Variants in HTT observed in about 807,000 individuals in gnomAD.
The protein encoded by HTT is huntingtin.
A neutral mutation model predicts 362.3 loss-of-function variants in HTT; 104 were observed. The ratio of observed to expected loss-of-function variants is 0.29; its 90% CI spans 0.24 to 0.34. HTT has a LOEUF of 0.34. Among genes scored for constraint, HTT ranks in the 10% least tolerant of loss-of-function variants. The pLI, the probability that HTT is intolerant of heterozygous loss-of-function variation, is 1.00. For synonymous variants in HTT, 1,577 were observed against 1,548.7 expected (o/e 1.02, Z -0.43); for missense variants, 3,301 against 3,928.6 (o/e 0.84, Z 4.27).
Position 3,209,242 on chromosome 4 carries a change from C to T in HTT, c.6291+331C>T, listed in dbSNP as rs532328826. ...GCCTCCCTCCATCTCCTCATACCTT[C>T]TGGCCACCTGTGAGTTGCACTGCCA... On this transcript the variant is annotated intron_variant, in intron 46 of 66. Coordinates refer to ENST00000355072, the MANE Select transcript of HTT (RefSeq NM_001388492.1). 2.0e-5 allele frequency among the ~76,000 whole-genome samples: 3 copies of T among 152,352 alleles called. No homozygotes were observed. In the East Asian group the frequency reaches 5.8e-4, roughly 29 times the overall value.
intron 22 of HTT, among the ~76,000 whole-genome samples, chr4:3,141,619 A>G (rs1716349949): frequency 6.6e-6 from 1 of 152,136 alleles, no homozygotes; most frequent in Admixed American, 6.5e-5. Context: ...AAAATTAGCC[A>G]GGCGTGGTGG....
chr4:3,110,335 A>G lies in HTT; in HGVS notation c.747+2912A>G, dbSNP rs534069492. 5.9e-5 allele frequency among the ~76,000 whole-genome samples: 9 copies of G among 152,210 alleles called. 1 individual carries two copies. The East Asian group carries it at 1.7e-3, about 29-fold the overall frequency. On this transcript the variant is annotated intron_variant, in intron 6 of 66. Coordinates refer to ENST00000355072, the MANE Select transcript of HTT (RefSeq NM_001388492.1). ...TAATATGTGTTTAGTACAATTTTTC[A>G]TGACAGGTAGTTTACTGAATCAGTT... is the stretch of plus-strand genomic sequence containing the variant.
At chr4:3,159,693 C>T (rs1717343874) in intron 28 of HTT, among the ~76,000 whole-genome samples, 2 of 152,222 alleles carry the variant, frequency 1.3e-5, no homozygotes, top group African/African-American at 4.8e-5. Context: ...CAGTGTTTTA[C>T]CAATATTTAT....
At chr4:3,212,918 G>A (rs1012734275) in intron 49 of HTT, 8 of 564,582 alleles carry the variant, frequency 1.4e-5, no homozygotes, top group Non-Finnish European at 2.5e-5. Context: ...GGCCTGTGAG[G>A]TCAGCCAGGT....
intron 60 of HTT, among the ~76,000 whole-genome samples, chr4:3,231,627 C>T (rs1485348076): frequency 6.6e-6 from 1 of 151,744 alleles, no homozygotes; most frequent in East Asian, 1.9e-4. Flanking sequence ...AGCCTGGTGC[C>T]ATGCTGGTGA....
chr4:3,102,799 G>T (rs538859420), intron 3 of HTT, among the ~76,000 whole-genome samples: 1 of 152,246 alleles, frequency 6.6e-6, no homozygotes, highest in Non-Finnish European at 1.5e-5. Context: ...AGCTTGAGAA[G>T]CCCTTCTCTA....
At chr4:3,184,532 C>T (rs990157852) in intron 37 of HTT, among the ~76,000 whole-genome samples, 1 of 152,088 alleles carries the variant, frequency 6.6e-6, no homozygotes, top group African/African-American at 2.4e-5. Flanking sequence ...CCCTTGGCAG[C>T]ATGAAAGCAA....
intron 25 of HTT, among the ~76,000 whole-genome samples, chr4:3,147,289 A>G (rs363102): frequency 0.23 from 35,152 of 152,118 alleles, 4,592 homozygotes; most frequent in African/African-American, 0.34. Context: ...TTCTCAAGTT[A>G]GTTTTAGATT....
rs575854741 is a variant in HTT at position 3,192,584 on chromosome 4, G to A, written c.5368+3491G>A. 9.1e-4 allele frequency among the ~76,000 whole-genome samples: 139 copies of A among 152,312 alleles called. 2 individuals are homozygous for A. Among genetic ancestry groups the A allele is most frequent in the Admixed American group, 2.8e-3 (43 of 15,304 alleles). On this transcript the variant is annotated intron_variant, in intron 40 of 66. Transcript: ENST00000355072. ...TGGACAGCATTCCATTGATGAGGAG[G>A]TGGGGCTGGTCTCCGGGAGTAAGGG...
intron 2 of HTT, among the ~76,000 whole-genome samples, chr4:3,093,831 C>T (rs1040968203): frequency 6.9e-6 from 1 of 144,752 alleles, no homozygotes; most frequent in Non-Finnish European, 1.5e-5. Context: ...TTAGAGCCTA[C>T]TCCAGAGGGA....
rs112742495 is a variant in HTT at position 3,185,787 on chromosome 4, C to T, written c.4867-810C>T. Reference sequence around the variant, plus strand: ...AAGTAGCTGGGTGTGGTGGTGTGCGCCTGTAGTCCTGGCTAACTCAGGAGG... The same window carrying T: ...AAGTAGCTGGGTGTGGTGGTGTGCGTCTGTAGTCCTGGCTAACTCAGGAGG... On this transcript the variant is annotated intron_variant, in intron 37 of 66. Coordinates refer to ENST00000355072, the MANE Select transcript of HTT (RefSeq NM_001388492.1). Among the ~76,000 whole-genome samples the T allele has an allele frequency of 7.8e-4, 119 of 152,206 alleles. 2 individuals are homozygous for T. The highest frequency in any genetic ancestry group is 2.7e-3 in the African/African-American group (114 of 41,530).
intron 41 of HTT, among the ~76,000 whole-genome samples, chr4:3,203,587 A>T (rs1719692779): frequency 6.6e-6 from 1 of 152,244 alleles, no homozygotes; most frequent in African/African-American, 2.4e-5. Context: ...GTGATGTTTC[A>T]TTGGGAAACG....
rs2110309993 is a variant in HTT at position 3,240,911 on chromosome 4, G to T, written c.*852G>T. The T allele has an allele frequency of 6.6e-6, 1 of 152,472 alleles. No individual in the cohort carries two copies. The highest frequency in any genetic ancestry group is 2.4e-5 in the African/African-American group (1 of 41,560). 9.4% of individuals were successfully genotyped at this position (152,472 alleles called of 1,614,324 possible). On this transcript the variant is annotated 3_prime_UTR_variant, in exon 67 of 67. Coordinates refer to ENST00000355072, the MANE Select transcript of HTT (RefSeq NM_001388492.1). ...GAGGACAGGCCCCCATTATCCTAGG[G>T]GTGCGCTCACCTGCAGCCCCTCCTC...
chr4:3,185,201 GT>G lies in HTT; in HGVS notation c.4867-1393del, dbSNP rs542182356. On this transcript the variant is annotated intron_variant, in intron 37 of 66. Transcript: ENST00000355072. The stretch of plus-strand genomic sequence containing the variant: ...GTTAAGTTGGCAGAAATGAAGGCCT[GT>G]TTACGCACTGAGGGCAGAAGCAACA... 2.8e-3 allele frequency among the ~76,000 whole-genome samples: 427 copies of G among 152,316 alleles called. 4 individuals carry two copies. Among genetic ancestry groups the G allele is most frequent in the African/African-American group, 9.4e-3 (389 of 41,556 alleles).
At chr4:3,175,538 C>T (rs1009652452) in intron 33 of HTT, among the ~76,000 whole-genome samples, 2 of 152,156 alleles carry the variant, frequency 1.3e-5, no homozygotes, top group African/African-American at 2.4e-5. Flanking sequence ...GTTCACTTAC[C>T]TCTTTAAAAA....
intron 61 of HTT, among the ~76,000 whole-genome samples, chr4:3,234,710 C>T (rs1358380789): frequency 1.3e-5 from 2 of 152,144 alleles, no homozygotes; most frequent in Admixed American, 6.5e-5. Context: ...CACGTGCCTC[C>T]GAGGTGGAGG....
intron 41 of HTT, among the ~76,000 whole-genome samples, chr4:3,202,256 G>T (rs924114503): frequency 6.6e-6 from 1 of 152,116 alleles, no homozygotes; most frequent in African/African-American, 2.4e-5. Flanking sequence ...CACCAGTACC[G>T]GGCGGTGTAT....
At chr4:3,166,582 G>A (rs779626620) in intron 29 of HTT, among the ~76,000 whole-genome samples, 1 of 152,222 alleles carries the variant, frequency 6.6e-6, no homozygotes, top group Non-Finnish European at 1.5e-5. Flanking sequence ...TGCCCAGTTC[G>A]AGCTTCCCTG....
At chr4:3,172,652 A>G (rs1718047868) in intron 30 of HTT, among the ~76,000 whole-genome samples, 1 of 152,196 alleles carries the variant, frequency 6.6e-6, no homozygotes, top group African/African-American at 2.4e-5. Context: ...GTTAACTTCC[A>G]GTCCCTCGGA....
Sources: gnomAD v4.1 joint callset for allele counts (sites outside exome capture counted in the v4.1 genomes callset) on GRCh38, gnomAD v4.1.1 for gene constraint, MANE v1.5 for transcripts, NCBI Gene and HGNC (gene_info 2026-07-23, HGNC 2026-07-21) for gene names.